Variants in FER observed in about 807,000 individuals in gnomAD.
The protein encoded by FER is tyrosine-protein kinase Fer.
FER carries 63 observed loss-of-function variants against 111.0 expected under a neutral mutation model. That is an observed-to-expected ratio of 0.57 (90% CI 0.46 to 0.70). The LOEUF is 0.70. Among genes scored for constraint, FER ranks in the 30% least tolerant of loss-of-function variants. FER has a pLI of 0.00. For synonymous variants in FER, 327 were observed against 313.9 expected, an observed-to-expected ratio of 1.04 and a Z score of -0.44; for missense variants, 914 against 954.0, an observed-to-expected ratio of 0.96 and a Z score of 0.55.
chr5:108,765,932 A>G (rs1481427923), intron 1 of FER, among the ~76,000 whole-genome samples: 1 of 144,730 alleles, frequency 6.9e-6, no homozygotes, highest in Non-Finnish European at 1.5e-5. Context: ...TCATGACTGA[A>G]TTTTTTTTTT....
intron 17 of FER, among the ~76,000 whole-genome samples, chr5:109,109,189 A>G (rs145693564): frequency 6.6e-6 from 1 of 151,530 alleles, no homozygotes; most frequent in South Asian, 2.1e-4. Context: ...GTGATTTTAG[A>G]CCTCCCCTCC....
At position 109,057,393 on chromosome 5, in the gene FER, G is replaced by A. The variant is rs368867169; in HGVS notation, c.1924+10195G>A. 7.9e-4 allele frequency among the ~76,000 whole-genome samples: 121 copies of A among 152,282 alleles called. 5 individuals are homozygous for A. The South Asian group carries it at 0.024, about 30-fold the overall frequency. On this transcript the variant is annotated intron_variant, in intron 16 of 19. Coordinates refer to ENST00000281092, the MANE Select transcript of FER (RefSeq NM_005246.4). ...GATGAACGTCTTCCCAGACTTATCA[G>A]AAAAAGACTGAAATTACTAATATGA...
At chr5:109,159,408 C>T (rs1755753502) in intron 17 of FER, among the ~76,000 whole-genome samples, 1 of 151,934 alleles carries the variant, frequency 6.6e-6, no homozygotes, top group African/African-American at 2.4e-5. Flanking sequence ...CATGCTAGAA[C>T]TCCCACAGTA....
intron 3 of FER, among the ~76,000 whole-genome samples, chr5:108,810,214 CT>C (rs1260609178): frequency 2.0e-5 from 3 of 152,240 alleles, no homozygotes; most frequent in Admixed American, 1.3e-4. Context: ...TTATACTGGG[CT>C]TTTGTATTGG....
intron 10 of FER, among the ~76,000 whole-genome samples, chr5:108,915,667 C>G (rs1002526359): frequency 2.6e-5 from 4 of 151,768 alleles, no homozygotes; most frequent in Admixed American, 1.3e-4. Context: ...TTCTCTCCCC[C>G]AGTTTTTTGT....
chr5:108,768,451 C>T (rs756614708), intron 2 of FER, among the ~76,000 whole-genome samples: 2 of 152,136 alleles, frequency 1.3e-5, no homozygotes, highest in Non-Finnish European at 2.9e-5. Flanking sequence ...TTATTTTTCT[C>T]AACTAACACT....
intron 5 of FER, among the ~76,000 whole-genome samples, chr5:108,864,093 A>G (rs989463001): frequency 1.3e-5 from 2 of 152,202 alleles, no homozygotes; most frequent in Non-Finnish European, 2.9e-5. Context: ...TCTGGGTAAC[A>G]TTTTGTTAAA....
intron 10 of FER, 72 bp downstream of exon 10, chr5:108,897,920 T>G: frequency 7.6e-7 from 1 of 1,313,432 alleles, no homozygotes; most frequent in Non-Finnish European, 1.0e-6. Flanking sequence ...ACAAAAATTA[T>G]TTAAATTTGC....
rs1264260723 is a variant in FER, at chr5:108,835,191, C to A, written c.382-517C>A. 6.7e-5 allele frequency among the ~76,000 whole-genome samples: 8 copies of A among 119,362 alleles called. 1 individual carries two copies. In the South Asian group the frequency reaches 1.2e-3, roughly 18 times the overall value. 78.3% of individuals were successfully genotyped at this position (119,362 alleles called of 152,430 possible). The stretch of plus-strand genomic sequence containing the variant: ...TATTTCTTCGTTTGCGCCACCCCCC[C>A]CCCCCCACTTTTTTTTTGAGTCAAG... On this transcript the variant is annotated intron_variant, in intron 4 of 19. Transcript: ENST00000281092.
At chr5:109,096,545 T>G (rs1747545476) in intron 16 of FER, among the ~76,000 whole-genome samples, 1 of 152,006 alleles carries the variant, frequency 6.6e-6, no homozygotes, top group South Asian at 2.1e-4. Flanking sequence ...GCTGCCAATC[T>G]TCACGATATT....
At chr5:108,920,139 G>T (rs1192284783) in intron 10 of FER, among the ~76,000 whole-genome samples, 1 of 151,968 alleles carries the variant, frequency 6.6e-6, no homozygotes, top group East Asian at 1.9e-4. Flanking sequence ...GTGGAGCTCA[G>T]TATCAGAAAA....
intron 14 of FER, 144 bp from the exon 15 acceptor site, chr5:109,044,536 C>T (rs916486889): frequency 4.3e-5 from 21 of 489,442 alleles, no homozygotes; most frequent in Middle Eastern, 3.0e-4. Context: ...GTTAGAAGTT[C>T]GTATGTCTGA....
In FER at chr5:109,095,312, G is replaced by C. The variant is rs535475165; in HGVS notation, c.1925-5084G>C. ...CAGTATGTTTTTGGAGTCATTTTCTGTTTTTTAGTATTTAATCTTCCTCAT... is the reference window on the plus strand; with the variant it reads ...CAGTATGTTTTTGGAGTCATTTTCTCTTTTTTAGTATTTAATCTTCCTCAT... On this transcript the variant is annotated intron_variant, in intron 16 of 19. Transcript: ENST00000281092. Among the ~76,000 whole-genome samples the C allele has an allele frequency of 2.0e-5, 3 of 152,142 alleles. No homozygotes were observed. In the South Asian group the frequency reaches 6.2e-4, roughly 32 times the overall value.
intron 17 of FER, 52 bp downstream of exon 17, chr5:109,100,571 A>T: frequency 6.5e-7 from 1 of 1,528,154 alleles, no homozygotes; most frequent in Non-Finnish European, 8.9e-7. Flanking sequence ...AGAATGCTGG[A>T]AAACTGATGT....
intron 10 of FER, among the ~76,000 whole-genome samples, chr5:108,944,952 T>C (rs1192720659): frequency 6.6e-6 from 1 of 152,204 alleles, no homozygotes; most frequent in Non-Finnish European, 1.5e-5. Flanking sequence ...ATCCCCTAAC[T>C]GGACCTCTCC....
At chr5:109,073,453 G>A (rs1775988412) in intron 16 of FER, among the ~76,000 whole-genome samples, 1 of 152,058 alleles carries the variant, frequency 6.6e-6, no homozygotes, top group Admixed American at 6.5e-5. Flanking sequence ...CTAGTGTTAG[G>A]CTGTGAATCA....
In FER at chr5:109,157,234, A is replaced by G. The variant is rs867557240; in HGVS notation, c.2049-23513A>G. Among the ~76,000 whole-genome samples the G allele has an allele frequency of 2.0e-4, 31 of 152,124 alleles. 1 individual carries two copies. The highest frequency in any genetic ancestry group is 7.2e-4 in the African/African-American group (30 of 41,438). On this transcript the variant is annotated intron_variant, in intron 17 of 19. Transcript: ENST00000281092. ...CACAATTAAATTGAATCTGATCTTT[A>G]TTACCTTCTGAGAGACACTTGTGTT...
chr5:108,892,919 T>C (rs1363628132), intron 9 of FER, among the ~76,000 whole-genome samples: 1 of 152,210 alleles, frequency 6.6e-6, no homozygotes, highest in East Asian at 1.9e-4. Flanking sequence ...ATTTATTAAA[T>C]AGGGAATCCT....
chr5:109,104,533 G>A (rs1280054976), intron 17 of FER, among the ~76,000 whole-genome samples: 3 of 152,238 alleles, frequency 2.0e-5, no homozygotes, highest in Admixed American at 6.5e-5. Flanking sequence ...TGGTGGATGG[G>A]TGTGTCACTG....
Sources: allele counts gnomAD v4.1 joint callset (sites outside exome capture counted in the v4.1 genomes callset), GRCh38; gene constraint gnomAD v4.1.1; transcripts MANE v1.5; gene names NCBI Gene and HGNC (gene_info 2026-07-23, HGNC 2026-07-21).